PSG8: variants seen among roughly 807,000 people sequenced by gnomAD.
The protein encoded by PSG8 is pregnancy-specific beta-1-glycoprotein 8.
PSG8 carries 57 observed loss-of-function variants against 42.5 expected under a neutral mutation model. The observed-to-expected ratio is 1.34, with a 90% CI of 1.08 to 1.67. PSG8 has a LOEUF of 1.67. PSG8 is among the 40% of genes most tolerant of loss of function. The pLI, the probability that PSG8 is intolerant of heterozygous loss-of-function variation, is 0.00. For synonymous variants in PSG8, 280 were observed against 196.8 expected (o/e 1.42, Z -3.54); for missense variants, 783 against 518.6 (o/e 1.51, Z -4.95).
At chr19:42,752,886 C>G (rs1043728764), downstream of PSG8, 6 of 246,870 alleles carry the variant, frequency 2.4e-5, no homozygotes, top group South Asian at 1.8e-4. Context: ...GTGTTCATTT[C>G]TATTGGGAGT....
chr19:42,755,023 C>A lies in PSG8; in HGVS notation c.953G>T (p.Gly318Val), dbSNP rs756828271. The change falls in exon 4 of 5, where the codon GGC becomes GTC. Residue 318 changes from glycine (G) to valine (V), a missense_variant. Physicochemically the swap from Gly to Val is moderately radical, Grantham distance 109. Coordinates refer to ENST00000306511, the MANE Select transcript of PSG8 (RefSeq NM_182707.3). ...CAGGGTGACTGGGTAACTGCGGATG[C>A]CACCATATTGGTCCCTTATTTCACA... The part of the protein sequence containing the change: ...YQCEIRDQYG[G>V]IRSYPVTLNV... 1 of 1,613,304 alleles carries A rather than the reference C, an allele frequency of 6.2e-7. No homozygotes were observed. The highest frequency in any genetic ancestry group is 1.1e-5 in the South Asian group (1 of 91,046).
chr19:42,760,632 G>C (rs983635321), intron 2 of PSG8, among the ~76,000 whole-genome samples: 1 of 151,868 alleles, frequency 6.6e-6, no homozygotes, highest in South Asian at 2.1e-4. Flanking sequence ...ACCCTGGCTG[G>C]AGTGCAGTGG....
At chr19:42,754,205 G>A, downstream of PSG8, 1 of 1,565,396 alleles carries the variant, frequency 6.4e-7, no homozygotes, top group Non-Finnish European at 8.6e-7. Context: ...GGTTTAGGAG[G>A]AGAATTTGGG....
In PSG8 at chr19:42,754,322, G is replaced by A; in HGVS notation, c.1254C>T (p.Ile418=). 1 of 1,613,738 alleles carries A rather than the reference G, an allele frequency of 6.2e-7. No homozygotes were observed. ...SMTVKVSGKR[I]PVSLAIGI is the part of the protein sequence containing the mutation. ...AAATCCCTATTGCCAAGGATACTGG[G>A]ATCCGCTTACCAGAGACTTTTACTG... Residue 418 remains isoleucine, a synonymous_variant, in exon 5 of 5, where the codon ATC becomes ATT. Transcript: ENST00000306511.
At chr19:42,761,482 C>A (rs1381317301) in intron 2 of PSG8, among the ~76,000 whole-genome samples, 1 of 152,112 alleles carries the variant, frequency 6.6e-6, no homozygotes. Flanking sequence ...TATTGTAGAA[C>A]GTGAGATTGG....
chr19:42,763,501 G>A lies in PSG8; in HGVS notation c.430+415C>T, dbSNP rs991238241. Among the ~76,000 whole-genome samples, 76 of 152,290 alleles carry A rather than the reference G, an allele frequency of 5.0e-4. 2 individuals are homozygous for A. The highest frequency in any genetic ancestry group is 4.9e-3 in the Admixed American group (75 of 15,294). On this transcript the variant is annotated intron_variant, in intron 2 of 4. Coordinates refer to ENST00000306511, the MANE Select transcript of PSG8 (RefSeq NM_182707.3). The stretch of plus-strand genomic sequence containing the variant: ...CACAGGCTCCTCAGATTTATCTGGA[G>A]CAAGGATTTAGGGACACTGTTCTGG...
chr19:42,763,065 T>C (rs564366012), intron 2 of PSG8, among the ~76,000 whole-genome samples: 1 of 152,292 alleles, frequency 6.6e-6, no homozygotes, highest in African/African-American at 2.4e-5. Flanking sequence ...TATCTGTGAA[T>C]AAATGTTAAA....
At chr19:42,754,194 G>A, downstream of PSG8, 1 of 1,537,654 alleles carries the variant, frequency 6.5e-7, no homozygotes, top group Non-Finnish European at 8.7e-7. Flanking sequence ...CAAATTTGGA[G>A]GGTTTAGGAG....
intron 3 of PSG8, among the ~76,000 whole-genome samples, chr19:42,756,352 T>G (rs540508453): frequency 1.8e-4 from 27 of 152,260 alleles, no homozygotes; most frequent in African/African-American, 4.6e-4. Flanking sequence ...TGCAGTTTCA[T>G]TTATGCAAGG....
chr19:42,757,299 T>C, intron 3 of PSG8, among the ~76,000 whole-genome samples: 1 of 152,074 alleles, frequency 6.6e-6, no homozygotes, highest in Non-Finnish European at 1.5e-5. Flanking sequence ...CTAGATAGAC[T>C]TCACTGGAAA....
rs1969984973 is a variant in PSG8, at chr19:42,758,297, G to A, written c.431-17C>T. On this transcript the variant is annotated splice_polypyrimidine_tract_variant and intron_variant, in intron 2 of 4. Coordinates refer to ENST00000306511, the MANE Select transcript of PSG8 (RefSeq NM_182707.3). The stretch of plus-strand genomic sequence containing the variant: ...GAGTCTCCACTGTGCAGAAAACAGA[G>A]AGAAGATTGCCCTGTGTGGCACCTT... 1 of 1,611,336 alleles carries A rather than the reference G, an allele frequency of 6.2e-7. No individual in the cohort carries two copies. The highest frequency in any genetic ancestry group is 8.5e-7 in the Non-Finnish European group (1 of 1,178,434).
At chr19:42,761,991 C>A (rs35202325) in intron 2 of PSG8, among the ~76,000 whole-genome samples, 1 of 151,982 alleles carries the variant, frequency 6.6e-6, no homozygotes, top group Non-Finnish European at 1.5e-5. Flanking sequence ...AGCTCATTCT[C>A]TTAGTGACCT....
intron 2 of PSG8, among the ~76,000 whole-genome samples, chr19:42,759,681 A>G (rs1230660604): frequency 6.6e-6 from 1 of 152,176 alleles, no homozygotes; most frequent in Non-Finnish European, 1.5e-5. Flanking sequence ...TCCCATAAAA[A>G]GTTGTCAGGA....
At chr19:42,763,883 C>T (rs775542496) in intron 2 of PSG8, 33 bp downstream of exon 2, 1 of 1,613,506 alleles carries the variant, frequency 6.2e-7, no homozygotes, top group Admixed American at 1.7e-5. Flanking sequence ...ACCCCTGTCC[C>T]CCAACACCCA....
chr19:42,754,786 T>C (rs1167773607), intron 4 of PSG8, 199 bp from the exon 5 acceptor site: 2 of 1,428,304 alleles, frequency 1.4e-6, no homozygotes, highest in Non-Finnish European at 1.9e-6. Flanking sequence ...AAGTCTCCCA[T>C]GACAAGAGCG....
Position 42,763,977 on chromosome 19 carries a change from G to T in PSG8, c.369C>A (p.His123Gln). The T allele has an allele frequency of 6.2e-7, 1 of 1,611,558 alleles. No homozygotes were observed. The highest frequency in any genetic ancestry group is 8.5e-7 in the Non-Finnish European group (1 of 1,179,510). Residue 123 changes from histidine to glutamine, a missense_variant, in exon 2 of 5, where the codon CAC becomes CAA. His to Gln is a conservative substitution (Grantham distance 24, BLOSUM62 0). Transcript: ENST00000306511. ...TATTCTCATCACCTCCCATTATGAT[G>T]TGTAAGGTGTAGGATCCTGCGTCTT... is the stretch of plus-strand genomic sequence containing the variant. ...TQEDAGSYTL[H>Q]IIMGGDENRG...
chr19:42,758,965 C>G (rs984052906), intron 2 of PSG8: 9 of 153,944 alleles, frequency 5.8e-5, no homozygotes, highest in Non-Finnish European at 1.0e-4. Context: ...AGGGGACAGG[C>G]AAGAACTGAT....
chr19:42,753,952 G>A (rs748006585), downstream of PSG8: 38 of 576,942 alleles, frequency 6.6e-5, no homozygotes, highest in Admixed American at 1.5e-4. Context: ...AATAAACTGC[G>A]GTATAGTTTA....
chr19:42,756,622 CT>C (rs927042999), intron 3 of PSG8, among the ~76,000 whole-genome samples: 35 of 151,166 alleles, frequency 2.3e-4, no homozygotes, highest in Middle Eastern at 3.4e-3. Context: ...TATTCTTGCC[CT>C]TTTTTTTTCT....
Sources: allele counts gnomAD v4.1 joint callset (sites outside exome capture counted in the v4.1 genomes callset), GRCh38; gene constraint gnomAD v4.1.1; transcripts MANE v1.5; gene names NCBI Gene and HGNC (gene_info 2026-07-23, HGNC 2026-07-21).